The following PDZRN4 variants were observed in gnomAD, a reference collection of about 807,000 sequenced individuals.
The protein encoded by PDZRN4 is PDZ domain containing ring finger 4.
PDZRN4 carries 70 observed loss-of-function variants against 99.0 expected under a neutral mutation model. The ratio of observed to expected loss-of-function variants is 0.71; its 90% confidence interval spans 0.58 to 0.86. The LOEUF (loss-of-function observed/expected upper bound fraction) is 0.86. Among genes scored for constraint, PDZRN4 ranks in the 40% least tolerant of loss-of-function variants. The pLI, the probability that PDZRN4 is intolerant of heterozygous loss-of-function variation, is 0.00. For missense variants in PDZRN4, 1,474 were observed against 1,331.2 expected (o/e 1.11, Z -1.67); for synonymous variants, 551 against 501.6 (o/e 1.10, Z -1.32).
At chr12:41,282,363 T>A (rs1397521671) in intron 3 of PDZRN4, among the ~76,000 whole-genome samples, 1 of 152,190 alleles carries the variant, frequency 6.6e-6, no homozygotes, top group East Asian at 1.9e-4. Flanking sequence ...AGCACTCAGT[T>A]TCATAAAGCA....
chr12:41,327,428 C>T (rs1951717004), intron 3 of PDZRN4, among the ~76,000 whole-genome samples: 1 of 152,190 alleles, frequency 6.6e-6, no homozygotes, highest in Admixed American at 6.6e-5. Context: ...TTGGAATTTA[C>T]AGGGAAACTG....
chr12:41,283,112 A>G (rs1951399850), intron 3 of PDZRN4, among the ~76,000 whole-genome samples: 2 of 151,738 alleles, frequency 1.3e-5, no homozygotes, highest in South Asian at 4.1e-4. Flanking sequence ...GATTAACAGA[A>G]TTAGCCAGAC....
intron 3 of PDZRN4, among the ~76,000 whole-genome samples, chr12:41,332,003 G>A (rs891538555): frequency 1.3e-5 from 2 of 152,094 alleles, no homozygotes; most frequent in African/African-American, 4.8e-5. Context: ...GTCATCTGTG[G>A]TAGGAAACGA....
intron 3 of PDZRN4, among the ~76,000 whole-genome samples, chr12:41,304,012 A>G (rs951346279): frequency 3.7e-4 from 57 of 152,230 alleles, no homozygotes; most frequent in Admixed American, 1.3e-4. Context: ...AGACATATAA[A>G]GATATTATGA....
intron 3 of PDZRN4, among the ~76,000 whole-genome samples, chr12:41,355,475 C>A (rs1252239136): frequency 6.6e-6 from 1 of 152,058 alleles, no homozygotes; most frequent in Non-Finnish European, 1.5e-5. Context: ...AGGAAATCAC[C>A]TTTCTGATAT....
intron 5 of PDZRN4, among the ~76,000 whole-genome samples, chr12:41,540,810 C>T (rs985457009): frequency 5.3e-5 from 8 of 152,124 alleles, no homozygotes; most frequent in African/African-American, 1.7e-4. Context: ...ATAAACTTTC[C>T]TACTTGCCTT....
At chr12:41,243,913 C>T (rs1951116936) in intron 3 of PDZRN4, among the ~76,000 whole-genome samples, 1 of 152,156 alleles carries the variant, frequency 6.6e-6, no homozygotes, top group South Asian at 2.1e-4. Flanking sequence ...CTCATATTCC[C>T]AGTCTCTCAA....
intron 5 of PDZRN4, among the ~76,000 whole-genome samples, chr12:41,520,744 C>T (rs1173016375): frequency 6.6e-6 from 1 of 151,770 alleles, no homozygotes; most frequent in Admixed American, 6.6e-5. Flanking sequence ...TGGCTCATTT[C>T]AAACCCAGAG....
chr12:41,371,387 G>A (rs999840093), intron 3 of PDZRN4, among the ~76,000 whole-genome samples: 36 of 151,804 alleles, frequency 2.4e-4, no homozygotes, highest in Non-Finnish European at 4.4e-4. Flanking sequence ...CAGGAAAATA[G>A]CAGGCTTCTT....
intron 3 of PDZRN4, among the ~76,000 whole-genome samples, chr12:41,295,176 G>A (rs762397840): frequency 2.0e-5 from 3 of 152,080 alleles, no homozygotes; most frequent in Non-Finnish European, 4.4e-5. Flanking sequence ...AAGAACTTCA[G>A]AAGTTTATCT....
chr12:41,476,991 T>A (rs1193546686), intron 3 of PDZRN4, among the ~76,000 whole-genome samples: 1 of 152,214 alleles, frequency 6.6e-6, no homozygotes, highest in Non-Finnish European at 1.5e-5. Context: ...TTAGTGAAGA[T>A]CTGAATATAC....
intron 3 of PDZRN4, among the ~76,000 whole-genome samples, chr12:41,430,887 A>G (rs1952581055): frequency 6.6e-6 from 1 of 152,224 alleles, no homozygotes; most frequent in African/African-American, 2.4e-5. Flanking sequence ...TGGAGGCTGC[A>G]GGGAACTTTC....
rs563555898 is a variant in PDZRN4, at chr12:41,317,827, A to G, written c.843+123639A>G. ...TGGGAGAATTGAACACATTAACATC[A>G]GGGTAGTAACTCACTACAAGAGTGA... On this transcript the variant is annotated intron_variant, in intron 3 of 9. Coordinates refer to ENST00000402685, the MANE Select transcript of PDZRN4 (RefSeq NM_001164595.2). Among the ~76,000 whole-genome samples the G allele has an allele frequency of 2.5e-4, 38 of 152,236 alleles. No individual in the cohort carries two copies. The South Asian group carries it at 6.4e-3, about 26-fold the overall frequency.
rs75635603 is a variant in PDZRN4 at position 41,452,855 on chromosome 12, T to C, written c.844-53601T>C. On this transcript the variant is annotated intron_variant, in intron 3 of 9. Coordinates refer to ENST00000402685, the MANE Select transcript of PDZRN4 (RefSeq NM_001164595.2). ...GCAACGAAAAAGTGTTTTAATTATG[T>C]ATACTGTCTTAGGTTAAGTGGCCCC... Among the ~76,000 whole-genome samples the C allele has an allele frequency of 6.8e-3, 1,028 of 152,268 alleles. 4 individuals are homozygous for C. The highest frequency in any genetic ancestry group is 0.011 in the Non-Finnish European group (722 of 68,026).
At chr12:41,216,985 C>T (rs1950925361) in intron 3 of PDZRN4, among the ~76,000 whole-genome samples, 1 of 152,018 alleles carries the variant, frequency 6.6e-6, no homozygotes, top group Non-Finnish European at 1.5e-5. Context: ...AAATCAACTC[C>T]CCAACATCAT....
At chr12:41,494,789 G>C (rs1037293424) in intron 3 of PDZRN4, among the ~76,000 whole-genome samples, 3 of 152,064 alleles carry the variant, frequency 2.0e-5, no homozygotes, top group East Asian at 3.9e-4. Context: ...TCATGTCATC[G>C]ACTGAACTCG....
intron 3 of PDZRN4, among the ~76,000 whole-genome samples, chr12:41,215,808 A>G (rs926121654): frequency 2.0e-5 from 3 of 150,010 alleles, no homozygotes; most frequent in Non-Finnish European, 4.4e-5. Flanking sequence ...TGAGTCTACC[A>G]CTTGTCTTTG....
At chr12:41,258,317 T>C (rs963925908) in intron 3 of PDZRN4, among the ~76,000 whole-genome samples, 2 of 152,122 alleles carry the variant, frequency 1.3e-5, no homozygotes, top group Admixed American at 6.6e-5. Context: ...ATAGCCTCAA[T>C]GTTTTTATTT....
chr12:41,421,327 T>A (rs570372540), intron 3 of PDZRN4, among the ~76,000 whole-genome samples: 1 of 152,136 alleles, frequency 6.6e-6, no homozygotes, highest in Non-Finnish European at 1.5e-5. Flanking sequence ...ACTTCCTGAG[T>A]AGCCGGGATT....
Sources: gnomAD v4.1 joint callset for allele counts (sites outside exome capture counted in the v4.1 genomes callset) on GRCh38, gnomAD v4.1.1 for gene constraint, MANE v1.5 for transcripts, NCBI Gene and HGNC (gene_info 2026-07-23, HGNC 2026-07-21) for gene names.